ZFP82: variants seen among roughly 807,000 people sequenced by gnomAD.
The protein encoded by ZFP82 is ZFP82 zinc finger protein.
A neutral mutation model predicts 54.0 loss-of-function variants in ZFP82; 30 were observed. The ratio of observed to expected loss-of-function variants is 0.56; its 90% CI spans 0.42 to 0.75. The LOEUF is 0.75. ZFP82 is among the 30% of genes least tolerant of loss of function. The pLI is 0.00. For missense variants in ZFP82, 500 were observed against 636.8 expected (o/e 0.79, Z 2.31); for synonymous variants, 194 against 209.5 (o/e 0.93, Z 0.64).
Position 36,392,622 on chromosome 19 carries a change from G to A in ZFP82, c.*119C>T, listed in dbSNP as rs1240338001. 1.2e-6 allele frequency: 1 copy of A among 844,888 alleles called. No individual in the cohort carries two copies. Among genetic ancestry groups the A allele is most frequent in the Admixed American group, 3.2e-5 (1 of 31,640 alleles). 52.3% of individuals were successfully genotyped at this position (844,888 alleles called of 1,614,324 possible). ...GAGTGATGATGGACTACAATACATT[G>A]TCACACTCTTTTAATGGTATAAAAC... On this transcript the variant is annotated 3_prime_UTR_variant, in exon 5 of 5. Coordinates refer to ENST00000392161, the MANE Select transcript of ZFP82 (RefSeq NM_133466.4).
At chr19:36,405,010 C>T (rs1428051125) in intron 4 of ZFP82, among the ~76,000 whole-genome samples, 3 of 151,968 alleles carry the variant, frequency 2.0e-5, no homozygotes, top group Non-Finnish European at 4.4e-5. Flanking sequence ...ATGGTGAAAC[C>T]CCGTCTCTAC....
chr19:36,397,642 C>T (rs1022657299), intron 4 of ZFP82, among the ~76,000 whole-genome samples: 7 of 151,978 alleles, frequency 4.6e-5, no homozygotes, highest in African/African-American at 1.7e-4. Flanking sequence ...CTCACTGCAA[C>T]CTGCACCTCC....
In ZFP82 at chr19:36,411,693, G is replaced by A. The variant is rs570305962; in HGVS notation, c.-78-1826C>T. Among the ~76,000 whole-genome samples, 33 of 151,874 alleles carry A rather than the reference G, an allele frequency of 2.2e-4. No homozygotes were observed. In the South Asian group the frequency reaches 6.0e-3, roughly 28 times the overall value. ...ATCCTGGCTAACATGGTGAAACCCC[G>A]TCTCTACTAAAAATACAAAAAATTA... On this transcript the variant is annotated intron_variant, in intron 1 of 4. Coordinates refer to ENST00000392161, the MANE Select transcript of ZFP82 (RefSeq NM_133466.4).
chr19:36,407,693 G>A (rs901630071), intron 3 of ZFP82, among the ~76,000 whole-genome samples, 194 bp downstream of exon 3: 2 of 152,196 alleles, frequency 1.3e-5, no homozygotes, highest in East Asian at 1.9e-4. Flanking sequence ...AGGCCCAAGG[G>A]CTACTTAAGG....
chr19:36,393,548 C>T lies in ZFP82; in HGVS notation c.792G>A (p.Arg264=), dbSNP rs2032242443. The change falls in exon 5 of 5, where the codon AGG becomes AGA. Residue 264 remains arginine, a synonymous_variant. Coordinates refer to ENST00000392161, the MANE Select transcript of ZFP82 (RefSeq NM_133466.4). ...GATGCAGAGTAAGTTGTCCTCGTAC[C>T]CTAAAAGCCTTCCCACATTCTTTAC... The part of the protein sequence containing the change: ...YECKECGKAF[R]VRGQLTLHQR... The T allele has an allele frequency of 1.9e-6, 3 of 1,613,912 alleles. No homozygotes were observed. Among genetic ancestry groups the T allele is most frequent in the Non-Finnish European group, 1.7e-6 (2 of 1,179,980 alleles).
intron 4 of ZFP82, among the ~76,000 whole-genome samples, chr19:36,398,722 G>A (rs886941277): frequency 4.6e-5 from 7 of 152,080 alleles, no homozygotes; most frequent in Admixed American, 3.9e-4. Flanking sequence ...GTCACCCTCT[G>A]TCACCACAGC....
chr19:36,402,468 C>CA lies in ZFP82; in HGVS notation c.229+3111dup, dbSNP rs377338348. ...TGGACAGAAGAGCGAGACTCCATCT[C>CA]AAAAAAAAAAAAAAAAAAAGATTAG... On this transcript the variant is annotated intron_variant, in intron 4 of 4. Transcript: ENST00000392161. 1.7e-3 allele frequency among the ~76,000 whole-genome samples: 96 copies of CA among 57,328 alleles called. 2 individuals carry two copies. Among genetic ancestry groups the CA allele is most frequent in the Admixed American group, 3.9e-3 (14 of 3,608 alleles). The allele number at this position is 57,328 out of a possible 152,430, so 37.6% of individuals were successfully genotyped here.
At position 36,389,961 on chromosome 19, in the gene ZFP82, G is replaced by A. The variant is rs1339630355; in HGVS notation, c.*2780C>T. Among the ~76,000 whole-genome samples the A allele has an allele frequency of 6.6e-6, 1 of 151,982 alleles. No individual in the cohort carries two copies. Among genetic ancestry groups the A allele is most frequent in the African/African-American group, 2.4e-5 (1 of 41,344 alleles). On this transcript the variant is annotated 3_prime_UTR_variant, in exon 5 of 5. Transcript: ENST00000392161. The stretch of plus-strand genomic sequence containing the variant: ...AATTACGAATCCCCCCTAGATCCCA[G>A]AGACCAACAAAATTACTCAAACTAT...
rs747433648 is a variant in ZFP82, at chr19:36,392,718, A to C, written c.*23T>G. ...TACTACATTCATAGAATGTTCTATA[A>C]CACAGAAGTTGAAAAGACTTTCTTA... is the stretch of plus-strand genomic sequence containing the variant. On this transcript the variant is annotated 3_prime_UTR_variant, in exon 5 of 5. Transcript: ENST00000392161. 10 of 1,529,648 alleles carry C rather than the reference A, an allele frequency of 6.5e-6. No individual in the cohort carries two copies. Among genetic ancestry groups the C allele is most frequent in the Non-Finnish European group, 2.6e-6 (3 of 1,145,732 alleles). 94.8% of individuals were successfully genotyped at this position (1,529,648 alleles called of 1,614,324 possible).
In ZFP82 at chr19:36,411,129, G is replaced by A. The variant is rs555208101; in HGVS notation, c.-78-1262C>T. ...AATCGCTTGGACCTAGGGGGGCGGA[G>A]GTTGCAGTGAGCCGAGATTGCGCCA... On this transcript the variant is annotated intron_variant, in intron 1 of 4. Coordinates refer to ENST00000392161, the MANE Select transcript of ZFP82 (RefSeq NM_133466.4). Among the ~76,000 whole-genome samples the A allele has an allele frequency of 1.8e-4, 27 of 151,566 alleles. 1 individual carries two copies. The East Asian group carries it at 4.9e-3, about 27-fold the overall frequency.
intron 4 of ZFP82, among the ~76,000 whole-genome samples, chr19:36,404,954 C>T (rs947117831): frequency 5.3e-5 from 8 of 152,052 alleles, no homozygotes; most frequent in East Asian, 1.9e-4. Context: ...GAGGCTGAGG[C>T]GGGCAGATCA....
chr19:36,396,047 C>T lies in ZFP82; in HGVS notation c.230-1937G>A, dbSNP rs1440056703. 4 of 150,534 alleles carry T rather than the reference C, an allele frequency of 2.7e-5. No homozygotes were observed. The East Asian group carries it at 7.9e-4, about 30-fold the overall frequency. The allele number at this position is 150,534 out of a possible 1,614,324, so 9.3% of individuals were successfully genotyped here. On this transcript the variant is annotated intron_variant, in intron 4 of 4. Transcript: ENST00000392161. Reference sequence around the variant, plus strand: ...AGTAGCTGGGATTATAGGCATGTGCCACCACGCCTGGCTATTTTTTTTTTT... The same window carrying T: ...AGTAGCTGGGATTATAGGCATGTGCTACCACGCCTGGCTATTTTTTTTTTT...
intron 4 of ZFP82, among the ~76,000 whole-genome samples, chr19:36,397,667 C>T (rs531162839): frequency 9.8e-4 from 149 of 151,674 alleles, no homozygotes; most frequent in African/African-American, 3.4e-3. Context: ...GCTGGCCCCC[C>T]GCCACGCCCC....
downstream of ZFP82, among the ~76,000 whole-genome samples, chr19:36,386,754 T>A (rs865941081): frequency 6.6e-6 from 1 of 152,182 alleles, no homozygotes; most frequent in African/African-American, 2.4e-5. Flanking sequence ...CTGGCCAACA[T>A]GGTGAAACCC....
chr19:36,395,415 A>G (rs1198175008), intron 4 of ZFP82: 1 of 152,216 alleles, frequency 6.6e-6, no homozygotes, highest in Non-Finnish European at 1.5e-5. Context: ...TTCGGACAGG[A>G]AAACACGTCT....
At chr19:36,397,972 A>G (rs1273746162) in intron 4 of ZFP82, among the ~76,000 whole-genome samples, 1 of 152,244 alleles carries the variant, frequency 6.6e-6, no homozygotes, top group Non-Finnish European at 1.5e-5. Context: ...ATATAGATCA[A>G]TTCCCATAGA....
At chr19:36,400,964 T>C (rs1037794313) in intron 4 of ZFP82, among the ~76,000 whole-genome samples, 1 of 152,238 alleles carries the variant, frequency 6.6e-6, no homozygotes, top group African/African-American at 2.4e-5. Flanking sequence ...TTCTCCATCT[T>C]GCTGGAACCT....
chr19:36,385,549 G>A (rs980402539), downstream of ZFP82, among the ~76,000 whole-genome samples: 2 of 152,216 alleles, frequency 1.3e-5, no homozygotes, highest in East Asian at 3.8e-4. Context: ...ATTGCTGTGG[G>A]TGGAATGTTA....
At chr19:36,394,440 T>C (rs1459071528) in intron 4 of ZFP82, 1 of 227,744 alleles carries the variant, frequency 4.4e-6, no homozygotes, top group Non-Finnish European at 8.5e-6. Context: ...CCTGGAAGGA[T>C]ATTTAATATT....
Sources: allele counts gnomAD v4.1 joint callset (sites outside exome capture counted in the v4.1 genomes callset), GRCh38; gene constraint gnomAD v4.1.1; transcripts MANE v1.5; gene names NCBI Gene and HGNC (gene_info 2026-07-23, HGNC 2026-07-21).